The following ARHGAP26 variants were observed in gnomAD, a reference collection of about 807,000 sequenced individuals.
ARHGAP26 encodes the protein rho GTPase-activating protein 26.
In ARHGAP26, 38 loss-of-function variants were observed where a neutral mutation model predicts 104.8. The ratio of observed to expected loss-of-function variants is 0.36; its 90% CI spans 0.28 to 0.48. ARHGAP26 has a LOEUF of 0.48. Among genes scored for constraint, ARHGAP26 ranks in the 20% least tolerant of loss-of-function variants. The pLI, the probability that ARHGAP26 is intolerant of heterozygous loss-of-function variation, is 0.99. For missense variants in ARHGAP26, 704 were observed against 947.9 expected (o/e 0.74, Z 3.38); for synonymous variants, 341 against 340.0 (o/e 1.00, Z -0.03).
chr5:142,882,589 C>T (rs910019271), intron 4 of ARHGAP26, among the ~76,000 whole-genome samples: 4 of 152,102 alleles, frequency 2.6e-5, no homozygotes, highest in South Asian at 2.1e-4. Context: ...GGACGGTTAC[C>T]TTCATGGCAC....
intron 6 of ARHGAP26, among the ~76,000 whole-genome samples, chr5:142,896,511 A>G (rs1759496509): frequency 1.3e-5 from 2 of 152,228 alleles, no homozygotes; most frequent in South Asian, 4.1e-4. Context: ...CAGCCAGCTT[A>G]GGCTTGGCTC....
At chr5:142,783,003 G>A (rs574969165) in intron 1 of ARHGAP26, among the ~76,000 whole-genome samples, 1 of 151,750 alleles carries the variant, frequency 6.6e-6, no homozygotes, top group East Asian at 1.9e-4. Flanking sequence ...CTATACCCCC[G>A]CCCCCACTCC....
At chr5:143,135,947 C>G (rs916230486) in intron 19 of ARHGAP26, among the ~76,000 whole-genome samples, 7 of 152,206 alleles carry the variant, frequency 4.6e-5, no homozygotes, top group African/African-American at 1.4e-4. Flanking sequence ...TGGAACAGAA[C>G]TGGCCTCACT....
chr5:143,034,760 T>A (rs1782371351), intron 12 of ARHGAP26, among the ~76,000 whole-genome samples: 1 of 151,938 alleles, frequency 6.6e-6, no homozygotes, highest in Non-Finnish European at 1.5e-5. Flanking sequence ...AAAGCTGTTA[T>A]TTAAAAAAAA....
At chr5:143,169,381 G>A (rs1318227500) in intron 20 of ARHGAP26, 1 of 152,188 alleles carries the variant, frequency 6.6e-6, no homozygotes, top group Non-Finnish European at 1.5e-5. Context: ...AGGGGCACAG[G>A]TGTTGCCATC....
At chr5:142,791,634 G>T (rs147641980) in intron 1 of ARHGAP26, among the ~76,000 whole-genome samples, 95 of 152,222 alleles carry the variant, frequency 6.2e-4, no homozygotes, top group African/African-American at 2.1e-3. Context: ...TTGAATATTA[G>T]AGTATATATT....
chr5:143,022,261 T>C (rs950097445), intron 12 of ARHGAP26, among the ~76,000 whole-genome samples: 1 of 151,966 alleles, frequency 6.6e-6, no homozygotes, highest in African/African-American at 2.4e-5. Context: ...TTAGTAGAGA[T>C]GGGGTTTCAC....
intron 1 of ARHGAP26, among the ~76,000 whole-genome samples, chr5:142,862,237 G>C (rs1753496626): frequency 6.6e-6 from 1 of 152,160 alleles, no homozygotes; most frequent in Admixed American, 6.5e-5. Context: ...GTGATTGCAT[G>C]GACCCTGGAA....
chr5:142,936,108 A>AACACACACACACACAC (rs149919795), intron 11 of ARHGAP26, among the ~76,000 whole-genome samples: 292 of 139,818 alleles, frequency 2.1e-3, no homozygotes, highest in African/African-American at 7.2e-3. Flanking sequence ...AATCCCAAGG[A>AACACACACACACACAC]ACACACACAC....
At chr5:142,881,693 T>C (rs1360597695) in intron 4 of ARHGAP26, among the ~76,000 whole-genome samples, 1 of 152,158 alleles carries the variant, frequency 6.6e-6, no homozygotes, top group Non-Finnish European at 1.5e-5. Flanking sequence ...TATCATAACA[T>C]TATGTAAATT....
chr5:142,853,025 G>A lies in ARHGAP26; in HGVS notation c.155-20375G>A, dbSNP rs570008920. Among the ~76,000 whole-genome samples, 3 of 152,268 alleles carry A rather than the reference G, an allele frequency of 2.0e-5. No individual in the cohort carries two copies. The South Asian group carries it at 6.2e-4, about 32-fold the overall frequency. ...CTTGCCTTTATCGAGCTCCAAAGGT[G>A]GAGGAAGTACTGATGAGGGGAGGCC... On this transcript the variant is annotated intron_variant, in intron 1 of 22. Coordinates refer to ENST00000645722, the MANE Select transcript of ARHGAP26 (RefSeq NM_001135608.3).
chr5:142,997,461 G>A (rs545384236), intron 11 of ARHGAP26, among the ~76,000 whole-genome samples: 3 of 152,140 alleles, frequency 2.0e-5, no homozygotes, highest in Non-Finnish European at 4.4e-5. Context: ...CAGGCTGGAG[G>A]GCAGTGGCTC....
At chr5:143,101,437 A>G (rs1175431808) in intron 17 of ARHGAP26, among the ~76,000 whole-genome samples, 1 of 151,996 alleles carries the variant, frequency 6.6e-6, no homozygotes, top group African/African-American at 2.4e-5. Flanking sequence ...GGGCCTTCAT[A>G]CAGTCCTCAC....
intron 21 of ARHGAP26, among the ~76,000 whole-genome samples, chr5:143,211,174 T>G (rs527849141): frequency 7.9e-5 from 12 of 152,326 alleles, no homozygotes; most frequent in Admixed American, 1.3e-4. Context: ...TAAGACTTTT[T>G]GGGTAGGGTT....
chr5:142,801,881 A>C (rs1395639566), intron 1 of ARHGAP26, among the ~76,000 whole-genome samples: 1 of 152,212 alleles, frequency 6.6e-6, no homozygotes, highest in African/African-American at 2.4e-5. Context: ...ACTTATGTCT[A>C]ATGCCAGTCA....
intron 19 of ARHGAP26, among the ~76,000 whole-genome samples, chr5:143,142,681 A>T (rs1798705483): frequency 6.6e-6 from 1 of 152,252 alleles, no homozygotes; most frequent in Admixed American, 6.5e-5. Flanking sequence ...GGGGGTAAAA[A>T]TTGCTTCAGA....
At chr5:142,971,382 G>C (rs749837640) in intron 11 of ARHGAP26, among the ~76,000 whole-genome samples, 1 of 152,134 alleles carries the variant, frequency 6.6e-6, no homozygotes, top group Non-Finnish European at 1.5e-5. Context: ...CCTAGAACTT[G>C]ACAGTAGCCA....
intron 18 of ARHGAP26, among the ~76,000 whole-genome samples, chr5:143,126,255 A>T (rs954542434): frequency 5.3e-5 from 8 of 152,236 alleles, no homozygotes; most frequent in Non-Finnish European, 1.0e-4. Flanking sequence ...GAGCAGCATT[A>T]ATCAAGTTGT....
At chr5:143,196,041 T>C (rs1414240405) in intron 20 of ARHGAP26, among the ~76,000 whole-genome samples, 2 of 152,150 alleles carry the variant, frequency 1.3e-5, no homozygotes, top group Non-Finnish European at 2.9e-5. Context: ...TATGTTAAGG[T>C]ACTTACTGTT....
Sources: allele counts gnomAD v4.1 joint callset (sites outside exome capture counted in the v4.1 genomes callset), GRCh38; gene constraint gnomAD v4.1.1; transcripts MANE v1.5; gene names NCBI Gene and HGNC (gene_info 2026-07-23, HGNC 2026-07-21).